COL28A1: variants seen among roughly 807,000 people sequenced by gnomAD.
The protein encoded by COL28A1 is collagen alpha-1(XXVIII) chain.
In COL28A1, 161 loss-of-function variants were observed where a neutral mutation model predicts 150.2. The observed-to-expected ratio is 1.07, with a 90% confidence interval of 0.94 to 1.22. The LOEUF (loss-of-function observed/expected upper bound fraction) is 1.22. COL28A1 is among the 50% of genes most tolerant of loss of function. The probability of loss-of-function intolerance (pLI) is 0.00; values close to 1 mark genes in which losing one functional copy is unlikely to be tolerated. For missense variants in COL28A1, 1,617 were observed against 1,388.3 expected (o/e 1.16, Z -2.62); for synonymous variants, 552 against 469.7 (o/e 1.18, Z -2.26).
chr7:7,423,061 G>A lies in COL28A1; in HGVS notation c.1999-3108C>T, dbSNP rs1166129337. Among the ~76,000 whole-genome samples, 5 of 152,106 alleles carry A rather than the reference G, an allele frequency of 3.3e-5. No individual in the cohort carries two copies. In the East Asian group the frequency reaches 5.8e-4, roughly 18 times the overall value. Reference sequence around the variant, plus strand: ...AGACAAGCTTGGAAATGTGAATGCTGGATATTTGCTATATTAAGGAATTGT... The same window carrying A: ...AGACAAGCTTGGAAATGTGAATGCTAGATATTTGCTATATTAAGGAATTGT... On this transcript the variant is annotated intron_variant, in intron 25 of 34. Transcript: ENST00000399429.
chr7:7,444,189 T>A (rs960381360), intron 19 of COL28A1, among the ~76,000 whole-genome samples: 1 of 152,138 alleles, frequency 6.6e-6, no homozygotes, highest in African/African-American at 2.4e-5. Flanking sequence ...AACTAGGCCA[T>A]AACCAAAACA....
chr7:7,367,319 C>T (rs764721691), intron 33 of COL28A1, among the ~76,000 whole-genome samples: 16 of 152,170 alleles, frequency 1.1e-4, no homozygotes, highest in Non-Finnish European at 1.6e-4. Flanking sequence ...TGTCATTAAA[C>T]GATGCATGAC....
chr7:7,453,342 G>T, intron 17 of COL28A1, 98 bp downstream of exon 17: 1 of 778,524 alleles, frequency 1.3e-6, no homozygotes. Flanking sequence ...TGATTTTTAA[G>T]TTCATTCTAC....
downstream of COL28A1, among the ~76,000 whole-genome samples, chr7:7,352,291 A>G (rs973804892): frequency 3.3e-5 from 5 of 152,188 alleles, no homozygotes; most frequent in African/African-American, 1.2e-4. Flanking sequence ...TTCGCTCTTA[A>G]GTAGCTCAAA....
chr7:7,370,900 G>C lies in COL28A1; in HGVS notation c.2909-18C>G. 1.3e-6 allele frequency: 2 copies of C among 1,545,824 alleles called. No homozygotes were observed. The highest frequency in any genetic ancestry group is 2.3e-5 in the South Asian group (2 of 88,754). ...CAGGGTGTCTTTTAAAAAAGAAGTA[G>C]AAAAGAGAGATAGTAGAAGCAATGA... On this transcript the variant is annotated intron_variant, in intron 32 of 34. Coordinates refer to ENST00000399429, the MANE Select transcript of COL28A1 (RefSeq NM_001037763.3).
At chr7:7,450,253 C>T (rs1318913280) in intron 18 of COL28A1, among the ~76,000 whole-genome samples, 4 of 152,068 alleles carry the variant, frequency 2.6e-5, no homozygotes, top group Non-Finnish European at 4.4e-5. Context: ...TTGACCCATA[C>T]ACAAAAATAA....
At chr7:7,433,058 A>G (rs1785096499) in intron 23 of COL28A1, among the ~76,000 whole-genome samples, 1 of 152,280 alleles carries the variant, frequency 6.6e-6, no homozygotes, top group African/African-American at 2.4e-5. Context: ...ATAAAAACAC[A>G]TTAATTTTTC....
At chr7:7,380,105 G>T (rs1424712601) in intron 30 of COL28A1, among the ~76,000 whole-genome samples, 1 of 152,032 alleles carries the variant, frequency 6.6e-6, no homozygotes, top group African/African-American at 2.4e-5. Context: ...GGAAGAATGA[G>T]ACTTTGCCTT....
chr7:7,479,347 C>G (rs1259644159), intron 13 of COL28A1, among the ~76,000 whole-genome samples: 6 of 152,072 alleles, frequency 3.9e-5, no homozygotes, highest in Non-Finnish European at 8.8e-5. Context: ...CCACTGTTCT[C>G]AAAGTAGAAG....
intron 27 of COL28A1, among the ~76,000 whole-genome samples, chr7:7,395,686 T>G (rs1373227921): frequency 3.9e-5 from 6 of 152,202 alleles, no homozygotes; most frequent in African/African-American, 1.4e-4. Context: ...GAATTTTACT[T>G]TAGCACAAAA....
chr7:7,459,698 G>A (rs115000853), intron 15 of COL28A1, among the ~76,000 whole-genome samples: 3,072 of 152,224 alleles, frequency 0.02, 76 homozygotes, highest in African/African-American at 0.063. Context: ...ATCTGCAGCT[G>A]TTTTAAAGAA....
intron 27 of COL28A1, among the ~76,000 whole-genome samples, chr7:7,385,391 C>T (rs1418132909): frequency 6.6e-6 from 1 of 152,184 alleles, no homozygotes; most frequent in African/African-American, 2.4e-5. Flanking sequence ...TTGGCTTTGT[C>T]TCAGCCTGAA....
rs182324715 is a variant in COL28A1 at position 7,419,492 on chromosome 7, A to G, written c.2067+393T>C. Among the ~76,000 whole-genome samples the G allele has an allele frequency of 1.3e-3, 194 of 152,330 alleles. 1 individual carries two copies. Among genetic ancestry groups the G allele is most frequent in the South Asian group, 0.01 (50 of 4,822 alleles). ...AGGGACAATCAGTCTAGACCCTTGT[A>G]CTGACACCCTGCCAGAGTAGCTGTG... On this transcript the variant is annotated intron_variant, in intron 26 of 34. Transcript: ENST00000399429.
rs142246597 is a variant in COL28A1, at chr7:7,472,387, G to A, written c.1302+2214C>T. On this transcript the variant is annotated intron_variant, in intron 15 of 34. Coordinates refer to ENST00000399429, the MANE Select transcript of COL28A1 (RefSeq NM_001037763.3). ...TCTATACACCAACAGCAAACAAGCC[G>A]AGAATCAAATCAAGAACTCAACCCT... Among the ~76,000 whole-genome samples, 266 of 151,412 alleles carry A rather than the reference G, an allele frequency of 1.8e-3. 2 individuals are homozygous for A. The highest frequency in any genetic ancestry group is 5.9e-3 in the African/African-American group (244 of 41,206).
At chr7:7,338,353 G>A in the COL28A1 span, among the ~76,000 whole-genome samples, 410 of 152,116 alleles carry the variant, frequency 2.7e-3, 19 homozygotes, top group East Asian at 0.073. Context: ...ATTTCTTTGT[G>A]TCATCTCTGC....
At position 7,522,806 on chromosome 7, in the gene COL28A1, C is replaced by CAAAAAAAAAAAA; in HGVS notation, c.703-857_703-846dup. ...ACTAACACTAACGATAGCTGAAGAGCAAAAAAAAAAAAAAAAAAAAAAAAA... is the reference window on the plus strand; with the variant it reads ...ACTAACACTAACGATAGCTGAAGAGCAAAAAAAAAAAAAAAAAAAAAAAAAAAAAAAAAAAAA... On this transcript the variant is annotated intron_variant, in intron 4 of 34. Transcript: ENST00000399429. Among the ~76,000 whole-genome samples, 77 of 93,144 alleles carry CAAAAAAAAAAAA rather than the reference C, an allele frequency of 8.3e-4. 2 individuals carry two copies. The highest frequency in any genetic ancestry group is 1.5e-3 in the East Asian group (5 of 3,250). The allele number at this position is 93,144 out of a possible 152,430, so 61.1% of individuals were successfully genotyped here. A position where few individuals can be genotyped will look rare whatever the true frequency, so the allele number is the denominator to read the frequency against.
At chr7:7,414,778 C>G (rs920881003) in intron 27 of COL28A1, among the ~76,000 whole-genome samples, 9 of 152,202 alleles carry the variant, frequency 5.9e-5, no homozygotes, top group Non-Finnish European at 1.5e-5. Context: ...TCATTCTTCT[C>G]TGACTTCCAG....
chr7:7,356,106 A>G (rs1350907623), downstream of COL28A1: 1 of 152,204 alleles, frequency 6.6e-6, no homozygotes, highest in African/African-American at 2.4e-5. Context: ...TAAATTATCT[A>G]GAGTACATTT....
intron 5 of COL28A1, 31 bp downstream of exon 5, chr7:7,521,874 T>C (rs1374856431): frequency 3.4e-6 from 3 of 893,938 alleles, no homozygotes; most frequent in Non-Finnish European, 5.8e-6. Context: ...TAGGACTTTC[T>C]GACTTAAGTT....
Sources: gnomAD v4.1 joint callset for allele counts (sites outside exome capture counted in the v4.1 genomes callset) on GRCh38, gnomAD v4.1.1 for gene constraint, MANE v1.5 for transcripts, NCBI Gene and HGNC (gene_info 2026-07-23, HGNC 2026-07-21) for gene names.